Variants in ENPP2 observed in about 807,000 individuals in gnomAD.
The protein encoded by ENPP2 is ectonucleotide pyrophosphatase/phosphodiesterase 2.
ENPP2 carries 51 observed loss-of-function variants against 120.2 expected under a neutral mutation model. The observed-to-expected ratio is 0.42, with a 90% CI of 0.34 to 0.54. The LOEUF (loss-of-function observed/expected upper bound fraction) is 0.54, where lower values mean the gene tolerates loss of function less well. ENPP2 is among the 20% of genes least tolerant of loss of function. ENPP2 has a pLI of 0.04. For synonymous variants in ENPP2, 365 were observed against 366.4 expected (o/e 1.00, Z 0.04); for missense variants, 920 against 1,066.5 (o/e 0.86, Z 1.91).
chr8:119,569,568 T>C (rs1443481776), intron 20 of ENPP2, among the ~76,000 whole-genome samples, 198 bp from the exon 21 acceptor site: 6 of 152,122 alleles, frequency 3.9e-5, no homozygotes, highest in East Asian at 1.9e-4. Flanking sequence ...TTTCAAACTT[T>C]TTTTAATCAA....
chr8:119,610,812 A>G (rs2130656404), intron 8 of ENPP2, among the ~76,000 whole-genome samples: 1 of 151,642 alleles, frequency 6.6e-6, no homozygotes, highest in East Asian at 1.9e-4. Context: ...CTGAGGCAGG[A>G]GAATCGCTTA....
Position 119,657,294 on chromosome 8 carries a change from G to T in ENPP2, c.21+15958C>A, listed in dbSNP as rs190517850. ...GAAATAATTTGATCAAGGCCACATA[G>T]TCTGTGGTAGAGAAATGATTTAAAC... On this transcript the variant is annotated intron_variant, in intron 1 of 25. Transcript: ENST00000427067. 1.0e-3 allele frequency among the ~76,000 whole-genome samples: 152 copies of T among 152,292 alleles called. 1 individual carries two copies. Among genetic ancestry groups the T allele is most frequent in the Non-Finnish European group, 9.4e-4 (64 of 68,028 alleles).
chr8:119,608,341 A>G (rs1424741009), intron 8 of ENPP2, among the ~76,000 whole-genome samples: 5 of 152,216 alleles, frequency 3.3e-5, no homozygotes. Context: ...AGAGTGGGCC[A>G]TATGTTTCCT....
intron 19 of ENPP2, chr8:119,571,109 A>T (rs545112986): frequency 2.8e-4 from 71 of 250,662 alleles, no homozygotes; most frequent in African/African-American, 1.5e-3. Context: ...AAGAATTTAC[A>T]ATTTGTATAT....
chr8:119,565,600 C>T (rs1814350648), intron 22 of ENPP2, among the ~76,000 whole-genome samples: 2 of 152,238 alleles, frequency 1.3e-5, no homozygotes, highest in African/African-American at 4.8e-5. Context: ...TCCTTGCTTT[C>T]TCTCCTAGCT....
intron 11 of ENPP2, among the ~76,000 whole-genome samples, chr8:119,600,227 AG>A (rs768057155): frequency 1.8e-4 from 28 of 152,122 alleles, no homozygotes; most frequent in Admixed American, 1.4e-3. Flanking sequence ...ATATCTGCCA[AG>A]GTTATTGGAG....
At chr8:119,650,594 A>T (rs61709224) in intron 1 of ENPP2, among the ~76,000 whole-genome samples, 1 of 152,186 alleles carries the variant, frequency 6.6e-6, no homozygotes, top group Non-Finnish European at 1.5e-5. Flanking sequence ...TTCAGTTCTC[A>T]GGTTCATGCA....
At chr8:119,610,214 C>T (rs1284187810) in intron 8 of ENPP2, among the ~76,000 whole-genome samples, 1 of 151,774 alleles carries the variant, frequency 6.6e-6, no homozygotes, top group Admixed American at 6.6e-5. Context: ...GTCTTAGAAG[C>T]ATACAGTGTA....
At chr8:119,578,322 G>A (rs1247125348) in intron 19 of ENPP2, 1 of 152,222 alleles carries the variant, frequency 6.6e-6, no homozygotes, top group Non-Finnish European at 1.5e-5. Flanking sequence ...CTAGAGTGCT[G>A]GGATTACAGG....
At chr8:119,560,865 T>A (rs1306698769) in intron 24 of ENPP2, among the ~76,000 whole-genome samples, 1 of 151,884 alleles carries the variant, frequency 6.6e-6, no homozygotes, top group African/African-American at 2.4e-5. Flanking sequence ...TTCTCAACAG[T>A]TAACAAAAAG....
chr8:119,596,066 G>A lies in ENPP2; in HGVS notation c.973-2206C>T. ...TCTGTCCCTCTGAGTCAGATATAAA[G>A]CTTACACTTTCCCATCTGGGATCAG... On this transcript the variant is annotated intron_variant, in intron 11 of 24. Coordinates refer to ENST00000075322, the MANE Select transcript of ENPP2 (RefSeq NM_001040092.3). 2.7e-6 allele frequency: 4 copies of A among 1,478,222 alleles called. No homozygotes were observed. The South Asian group carries it at 4.8e-5, about 18-fold the overall frequency. The allele number at this position is 1,478,222 out of a possible 1,614,324, so 91.6% of individuals were successfully genotyped here. A position where few individuals can be genotyped will look rare whatever the true frequency, so the allele number is the denominator to read the frequency against.
chr8:119,563,545 T>TG (rs1419154874), intron 23 of ENPP2, among the ~76,000 whole-genome samples: 1 of 152,178 alleles, frequency 6.6e-6, no homozygotes, highest in African/African-American at 2.4e-5. Flanking sequence ...TACAATGAGA[T>TG]GCAGAACTTG....
At chr8:119,655,413 G>A (rs773895007) in intron 1 of ENPP2, among the ~76,000 whole-genome samples, 2 of 152,188 alleles carry the variant, frequency 1.3e-5, no homozygotes, top group Non-Finnish European at 2.9e-5. Flanking sequence ...TATGAGAGAT[G>A]CTATACAACT....
chr8:119,643,034 A>C (rs1431602801), upstream of ENPP2, among the ~76,000 whole-genome samples: 1 of 152,200 alleles, frequency 6.6e-6, no homozygotes, highest in Admixed American at 6.5e-5. Context: ...TCCTAAGATT[A>C]TGTATGATGT....
chr8:119,617,209 C>T lies in ENPP2; in HGVS notation c.612G>A (p.Pro204=), dbSNP rs373651034. 83 of 1,613,516 alleles carry T rather than the reference C, an allele frequency of 5.1e-5. No individual in the cohort carries two copies. Among genetic ancestry groups the T allele is most frequent in the Middle Eastern group, 5.0e-4 (3 of 6,060 alleles). Residue 204 remains proline (P), a synonymous_variant, in exon 7 of 25, where the codon CCG becomes CCA. Coordinates refer to ENST00000075322, the MANE Select transcript of ENPP2 (RefSeq NM_001040092.3). ...SCGTHSPYMR[P]VYPTKTFPNL... ...TAGGAAAGGTTTTAGTTGGGTACAC[C>T]GGCCTCATGTAGGGAGAGTGTGTGC...
rs1217498689 is a variant in ENPP2, at chr8:119,644,625, T to TACACACAC, written c.22-6106_22-6099dup. On this transcript the variant is annotated intron_variant, in intron 1 of 25. Transcript: ENST00000427067. ...ATATATATATATATATATATATATA[T>TACACACAC]ACACACACACACACACACACACATA... 3.1e-4 allele frequency among the ~76,000 whole-genome samples: 23 copies of TACACACAC among 74,310 alleles called. 1 individual carries two copies. Among genetic ancestry groups the TACACACAC allele is most frequent in the African/African-American group, 8.4e-4 (17 of 20,242 alleles). 48.8% of individuals were successfully genotyped at this position (74,310 alleles called of 152,430 possible). A position where few individuals can be genotyped will look rare whatever the true frequency, so the allele number is the denominator to read the frequency against.
chr8:119,629,778 G>A (rs1477586624), intron 2 of ENPP2, among the ~76,000 whole-genome samples: 2 of 151,910 alleles, frequency 1.3e-5, no homozygotes, highest in African/African-American at 4.8e-5. Context: ...GGCAGGAGGG[G>A]TTGAGAAGTA....
chr8:119,563,036 A>C (rs1814101649), intron 23 of ENPP2, 23 bp from the exon 24 acceptor site: 1 of 1,608,808 alleles, frequency 6.2e-7, no homozygotes, highest in Admixed American at 1.7e-5. Context: ...GGTAAAACGA[A>C]GTCACAGTTG....
In ENPP2 at chr8:119,638,788, ATTCTTGGAAAGCC is replaced by A; in HGVS notation, c.-21_-9del. The stretch of plus-strand genomic sequence containing the variant: ...CGAGCTCCTCCTTGCCATGTCGAGG[ATTCTTGGAAAGCC>A]TTTTGCAGCGTGTTCTCTTTGCCTT... On this transcript the variant is annotated 5_prime_UTR_variant, in exon 1 of 25. Coordinates refer to ENST00000075322, the MANE Select transcript of ENPP2 (RefSeq NM_001040092.3). The A allele has an allele frequency of 6.2e-7, 1 of 1,613,482 alleles. No homozygotes were observed. Among genetic ancestry groups the A allele is most frequent in the Non-Finnish European group, 8.5e-7 (1 of 1,179,468 alleles).
Sources: allele counts gnomAD v4.1 joint callset (sites outside exome capture counted in the v4.1 genomes callset), GRCh38; gene constraint gnomAD v4.1.1; transcripts MANE v1.5; gene names NCBI Gene and HGNC (gene_info 2026-07-23, HGNC 2026-07-21).